BACE2: variants seen among roughly 807,000 people sequenced by gnomAD.
The protein encoded by BACE2 is beta-secretase 2, also known as 56 kDa aspartic-like protease.
A neutral mutation model predicts 46.2 loss-of-function variants in BACE2; 17 were observed. The ratio of observed to expected loss-of-function variants is 0.37; its 90% confidence interval spans 0.25 to 0.55. The LOEUF (loss-of-function observed/expected upper bound fraction) is 0.55. Among genes scored for constraint, BACE2 ranks in the 20% least tolerant of loss-of-function variants. The probability of loss-of-function intolerance (pLI) is 0.82; values close to 1 mark genes in which losing one functional copy is unlikely to be tolerated. For missense variants in BACE2, 595 were observed against 698.1 expected (o/e 0.85, Z 1.66); for synonymous variants, 277 against 295.9 (o/e 0.94, Z 0.66).
intron 6 of BACE2, among the ~76,000 whole-genome samples, chr21:41,248,576 C>A (rs1266954497): frequency 6.6e-6 from 1 of 152,248 alleles, no homozygotes; most frequent in African/African-American, 2.4e-5. Flanking sequence ...TGATGCACAT[C>A]TTCAGTAGAC....
At chr21:41,219,213 C>A (rs921801427) in intron 1 of BACE2, among the ~76,000 whole-genome samples, 3 of 151,818 alleles carry the variant, frequency 2.0e-5, no homozygotes, top group African/African-American at 4.8e-5. Context: ...AAATATCATT[C>A]TAAGTTGCTA....
At chr21:41,251,418 G>C (rs1987635821) in intron 7 of BACE2, among the ~76,000 whole-genome samples, 1 of 152,188 alleles carries the variant, frequency 6.6e-6, no homozygotes, top group African/African-American at 2.4e-5. Context: ...CATTGCCAAG[G>C]GTGTGGCTAC....
intron 7 of BACE2, chr21:41,252,520 T>G (rs1371107306): frequency 6.6e-6 from 1 of 152,218 alleles, no homozygotes; most frequent in Admixed American, 6.5e-5. Flanking sequence ...AATCTTATCT[T>G]TAGGGTACGT....
chr21:41,275,289 A>G, intron 8 of BACE2, 82 bp from the exon 9 acceptor site: 1 of 1,581,322 alleles, frequency 6.3e-7, no homozygotes, highest in Non-Finnish European at 8.6e-7. Context: ...GGTTTAATAA[A>G]CCAAGGGGTT....
rs191150828 is a variant in BACE2, at chr21:41,255,205, C to A, written c.1135-1953C>A. Among the ~76,000 whole-genome samples, 4 of 152,260 alleles carry A rather than the reference C, an allele frequency of 2.6e-5. No individual in the cohort carries two copies. The East Asian group carries it at 5.8e-4, about 22-fold the overall frequency. ...GGTTTTACAGGTTACACGGGAAATGCCGATTGAGAGGTGGGCAGGCAGGCG... is the reference window on the plus strand; with the variant it reads ...GGTTTTACAGGTTACACGGGAAATGACGATTGAGAGGTGGGCAGGCAGGCG... On this transcript the variant is annotated intron_variant, in intron 7 of 8. Coordinates refer to ENST00000330333, the MANE Select transcript of BACE2 (RefSeq NM_012105.5).
chr21:41,218,428 T>C (rs1336794778), intron 1 of BACE2, among the ~76,000 whole-genome samples: 1 of 152,158 alleles, frequency 6.6e-6, no homozygotes, highest in Non-Finnish European at 1.5e-5. Flanking sequence ...TTGGGGAAGA[T>C]GGTGTCCAAC....
chr21:41,186,123 C>T (rs1283471549), intron 1 of BACE2: 3 of 152,178 alleles, frequency 2.0e-5, no homozygotes, highest in Admixed American at 1.3e-4. Flanking sequence ...CCTAGCTTAC[C>T]TGATATTACT....
At chr21:41,226,159 T>C in intron 1 of BACE2, 107 bp from the exon 2 acceptor site, 1 of 836,106 alleles carries the variant, frequency 1.2e-6, no homozygotes, top group Admixed American at 2.5e-5. Context: ...TTGTTCCAAC[T>C]GATAAATTAT....
intron 6 of BACE2, among the ~76,000 whole-genome samples, chr21:41,248,666 G>A (rs944463388): frequency 1.3e-5 from 2 of 152,234 alleles, no homozygotes; most frequent in Non-Finnish European, 2.9e-5. Flanking sequence ...TCTGAGTGGA[G>A]AACATGGGAT....
rs181821201 is a variant in BACE2, at chr21:41,222,917, G to A, written c.313-3349G>A. Among the ~76,000 whole-genome samples the A allele has an allele frequency of 1.0e-3, 157 of 152,308 alleles. 1 individual carries two copies. The highest frequency in any genetic ancestry group is 6.8e-3 in the Middle Eastern group (2 of 294). On this transcript the variant is annotated intron_variant, in intron 1 of 8. Coordinates refer to ENST00000330333, the MANE Select transcript of BACE2 (RefSeq NM_012105.5). ...GGCCTGACCTGATGGAGCTGCTGTC[G>A]ACCGAGATGGTCAAGTCCACCAGGA... is the stretch of plus-strand genomic sequence containing the variant.
intron 6 of BACE2, among the ~76,000 whole-genome samples, chr21:41,248,385 G>A (rs115980574): frequency 0.013 from 1,975 of 152,256 alleles, 38 homozygotes; most frequent in African/African-American, 0.045. Flanking sequence ...AGCTCCCCAG[G>A]CCAGTCACTT....
At chr21:41,240,797 G>A (rs997054842) in intron 3 of BACE2, among the ~76,000 whole-genome samples, 1 of 152,162 alleles carries the variant, frequency 6.6e-6, no homozygotes, top group African/African-American at 2.4e-5. Context: ...ACAAGTAGGA[G>A]GTCAAACACA....
At chr21:41,202,194 A>C (rs1404535671) in intron 1 of BACE2, among the ~76,000 whole-genome samples, 1 of 152,246 alleles carries the variant, frequency 6.6e-6, no homozygotes, top group African/African-American at 2.4e-5. Flanking sequence ...CCATGTGCGG[A>C]AACTGACGGT....
chr21:41,227,220 C>T (rs1469785493), intron 2 of BACE2, among the ~76,000 whole-genome samples: 1 of 152,202 alleles, frequency 6.6e-6, no homozygotes, highest in Non-Finnish European at 1.5e-5. Context: ...ACGGACAGAA[C>T]AGGTAAATTT....
intron 1 of BACE2, among the ~76,000 whole-genome samples, chr21:41,199,473 T>G (rs977788701): frequency 6.6e-6 from 1 of 152,058 alleles, no homozygotes; most frequent in African/African-American, 2.4e-5. Context: ...GACGGAAGTG[T>G]CTTGTCTGGG....
chr21:41,176,181 G>T (rs1173978878), intron 1 of BACE2: 1 of 151,888 alleles, frequency 6.6e-6, no homozygotes, highest in Non-Finnish European at 1.5e-5. Context: ...CTAATTTTTT[G>T]CCCCCAGACC....
intron 8 of BACE2, among the ~76,000 whole-genome samples, chr21:41,274,934 G>A (rs981622805): frequency 2.0e-5 from 3 of 152,180 alleles, no homozygotes. Flanking sequence ...CCATGACGTA[G>A]GCAGGTCCAG....
chr21:41,220,379 G>A (rs1986606295), intron 1 of BACE2, among the ~76,000 whole-genome samples: 1 of 152,152 alleles, frequency 6.6e-6, no homozygotes, highest in South Asian at 2.1e-4. Context: ...CCAAGGTTGG[G>A]GGTGGGGCTG....
At chr21:41,227,191 C>A (rs1568876488) in intron 2 of BACE2, among the ~76,000 whole-genome samples, 1 of 152,170 alleles carries the variant, frequency 6.6e-6, no homozygotes, top group Non-Finnish European at 1.5e-5. Context: ...CAACAGACAG[C>A]CAGGTAAATT....
Sources: gnomAD v4.1 joint callset for allele counts (sites outside exome capture counted in the v4.1 genomes callset) on GRCh38, gnomAD v4.1.1 for gene constraint, MANE v1.5 for transcripts, NCBI Gene and HGNC (gene_info 2026-07-23, HGNC 2026-07-21) for gene names.